ERBB4: variants seen among roughly 807,000 people sequenced by gnomAD.
The protein encoded by ERBB4 is erb-b2 receptor tyrosine kinase 4.
A neutral mutation model predicts 158.0 loss-of-function variants in ERBB4; 42 were observed. The observed-to-expected ratio is 0.27, with a 90% CI of 0.21 to 0.34. ERBB4 has a LOEUF of 0.34. Among genes scored for constraint, ERBB4 ranks in the 10% least tolerant of loss-of-function variants. The pLI is 1.00. For synonymous variants in ERBB4, 583 were observed against 558.7 expected (o/e 1.04, Z -0.61); for missense variants, 1,333 against 1,624.1 (o/e 0.82, Z 3.08).
At chr2:211,442,434 A>T (rs1308756575) in intron 20 of ERBB4, among the ~76,000 whole-genome samples, 1 of 152,048 alleles carries the variant, frequency 6.6e-6, no homozygotes, top group African/African-American at 2.4e-5. Context: ...ATCTGGAGCT[A>T]AACCCTGAGA....
chr2:212,082,700 G>C (rs2078483900), intron 2 of ERBB4, among the ~76,000 whole-genome samples: 1 of 151,994 alleles, frequency 6.6e-6, no homozygotes, highest in Admixed American at 6.6e-5. Flanking sequence ...GAACAATTTT[G>C]ATGTCCCTAA....
chr2:211,875,735 C>T (rs913841285), intron 3 of ERBB4, among the ~76,000 whole-genome samples: 4 of 152,156 alleles, frequency 2.6e-5, no homozygotes, highest in African/African-American at 9.7e-5. Flanking sequence ...CCAGAACAAC[C>T]ACCAGTCCAG....
intron 1 of ERBB4, among the ~76,000 whole-genome samples, chr2:212,436,390 C>CA (rs777237488): frequency 1.3e-5 from 2 of 152,030 alleles, no homozygotes; most frequent in East Asian, 3.9e-4. Context: ...TGACATCCAC[C>CA]AAATATGATA....
In ERBB4 at chr2:211,458,155, T is replaced by G. The variant is rs2064432048; in HGVS notation, c.2488-27055A>C. On this transcript the variant is annotated intron_variant, in intron 20 of 27. Coordinates refer to ENST00000342788, the MANE Select transcript of ERBB4 (RefSeq NM_005235.3). ...TACCTCCTGCTCTGGGGATTCCCTG[T>G]TGACACTGAGGTCACAACACTTGCC... Among the ~76,000 whole-genome samples, 3 of 136,328 alleles carry G rather than the reference T, an allele frequency of 2.2e-5. No homozygotes were observed. The South Asian group carries it at 8.5e-4, about 38-fold the overall frequency. The allele number at this position is 136,328 out of a possible 152,430, so 89.4% of individuals were successfully genotyped here. A position where few individuals can be genotyped will look rare whatever the true frequency, so the allele number is the denominator to read the frequency against.
intron 2 of ERBB4, among the ~76,000 whole-genome samples, chr2:212,000,161 T>A (rs12618175): frequency 6.6e-6 from 1 of 151,490 alleles, no homozygotes; most frequent in Non-Finnish European, 1.5e-5. Context: ...TAAGCAGGAA[T>A]GTATCAAATA....
At chr2:211,411,944 G>C (rs1392320016) in intron 25 of ERBB4, among the ~76,000 whole-genome samples, 1 of 151,974 alleles carries the variant, frequency 6.6e-6, no homozygotes, top group Non-Finnish European at 1.5e-5. Context: ...TTTAGAAATT[G>C]AGCCTATTTT....
chr2:211,551,552 C>G (rs1374638404), intron 20 of ERBB4, among the ~76,000 whole-genome samples: 1 of 152,124 alleles, frequency 6.6e-6, no homozygotes, highest in Non-Finnish European at 1.5e-5. Context: ...AACTTCCAAA[C>G]AGTATTAAAT....
At chr2:211,599,513 C>CTGTGTGTGTGTGTGTGTGTGTGTG (rs6147153) in intron 19 of ERBB4, among the ~76,000 whole-genome samples, 58,482 of 140,448 alleles carry the variant, frequency 0.42, 13,670 homozygotes, top group East Asian at 0.56. Context: ...ATAATTTCTT[C>CTGTGTGTGTGTGTGTGTGTGTGTG]TGTGTGTGTG....
At chr2:211,998,529 CA>C (rs36008694) in intron 2 of ERBB4, among the ~76,000 whole-genome samples, 71,740 of 116,196 alleles carry the variant, frequency 0.62, 19,312 homozygotes, top group Non-Finnish European at 0.68. Context: ...CTCATACTGC[CA>C]AAAAAAAAAA....
intron 1 of ERBB4, among the ~76,000 whole-genome samples, chr2:212,340,358 A>G (rs1179370939): frequency 6.6e-6 from 1 of 152,182 alleles, no homozygotes; most frequent in African/African-American, 2.4e-5. Flanking sequence ...GGATGAGTTA[A>G]GCGCATTACA....
intron 12 of ERBB4, among the ~76,000 whole-genome samples, chr2:211,691,354 C>T (rs1452818364): frequency 1.3e-5 from 2 of 152,024 alleles, no homozygotes; most frequent in African/African-American, 4.8e-5. Flanking sequence ...AGTAAATGCT[C>T]AATACATGTA....
intron 2 of ERBB4, among the ~76,000 whole-genome samples, chr2:212,095,239 C>A (rs1439302725): frequency 6.6e-6 from 1 of 152,166 alleles, no homozygotes; most frequent in African/African-American, 2.4e-5. Flanking sequence ...GCACCAGAGG[C>A]ATGCAGTTAT....
At chr2:212,054,656 C>T (rs1315344371) in intron 2 of ERBB4, among the ~76,000 whole-genome samples, 2 of 152,126 alleles carry the variant, frequency 1.3e-5, no homozygotes, top group African/African-American at 4.8e-5. Context: ...TCCTAGAGTG[C>T]CAAAAGCTAT....
intron 1 of ERBB4, among the ~76,000 whole-genome samples, chr2:212,407,178 AAC>A (rs2091371547): frequency 1.3e-5 from 2 of 151,296 alleles, no homozygotes; most frequent in Non-Finnish European, 1.5e-5. Context: ...TATATGATAT[AAC>A]ACATATAAAT....
At chr2:212,089,371 C>T (rs1416966559) in intron 2 of ERBB4, among the ~76,000 whole-genome samples, 2 of 152,140 alleles carry the variant, frequency 1.3e-5, no homozygotes, top group South Asian at 2.1e-4. Context: ...CTGAATTGCA[C>T]ATTTTTAAGT....
At chr2:211,700,542 ATTATAAG>A (rs1286933933) in intron 12 of ERBB4, among the ~76,000 whole-genome samples, 1 of 152,168 alleles carries the variant, frequency 6.6e-6, no homozygotes, top group African/African-American at 2.4e-5. Context: ...TTCCTCACAA[ATTATAAG>A]TTATATTTTA....
chr2:211,722,874 C>T (rs1468306014), intron 6 of ERBB4, among the ~76,000 whole-genome samples: 1 of 152,162 alleles, frequency 6.6e-6, no homozygotes, highest in Non-Finnish European at 1.5e-5. Flanking sequence ...GCACTGACAA[C>T]CAAATCCCTA....
At chr2:211,589,773 T>C (rs2068404772) in intron 19 of ERBB4, among the ~76,000 whole-genome samples, 2 of 152,156 alleles carry the variant, frequency 1.3e-5, no homozygotes, top group South Asian at 2.1e-4. Context: ...AAAAAAACTA[T>C]TGTAAAAATG....
chr2:211,750,998 A>G (rs528518918), intron 4 of ERBB4, among the ~76,000 whole-genome samples: 2 of 152,222 alleles, frequency 1.3e-5, no homozygotes, highest in Non-Finnish European at 2.9e-5. Flanking sequence ...ATTATAGTTA[A>G]TAAGTTTCAC....
Sources: gnomAD v4.1 joint callset for allele counts (sites outside exome capture counted in the v4.1 genomes callset) on GRCh38, gnomAD v4.1.1 for gene constraint, MANE v1.5 for transcripts, NCBI Gene and HGNC (gene_info 2026-07-23, HGNC 2026-07-21) for gene names.